Variants in HELZ observed in about 807,000 individuals in gnomAD.
HELZ encodes the protein helicase with zinc finger.
HELZ carries 23 observed loss-of-function variants against 218.2 expected under a neutral mutation model. That is an observed-to-expected ratio of 0.11 (90% CI 0.08 to 0.15). HELZ has a LOEUF of 0.15. Ranked by LOEUF, HELZ falls within the 10% of genes least tolerant of loss-of-function variation. HELZ has a pLI of 1.00. For synonymous variants in HELZ, 814 were observed against 829.4 expected, an observed-to-expected ratio of 0.98 and a Z score of 0.32; for missense variants, 1,813 against 2,353.7, an observed-to-expected ratio of 0.77 and a Z score of 4.75.
chr17:67,113,778 G>A (rs375542038), intron 28 of HELZ, among the ~76,000 whole-genome samples: 4 of 152,332 alleles, frequency 2.6e-5, no homozygotes, highest in East Asian at 1.9e-4. Flanking sequence ...AGTGAGATAC[G>A]TGTGAAAGAA....
chr17:67,233,261 G>A (rs535902907), intron 3 of HELZ, among the ~76,000 whole-genome samples: 12 of 152,372 alleles, frequency 7.9e-5, no homozygotes, highest in Middle Eastern at 3.4e-3. Context: ...GCTGAGGTGG[G>A]AGAATCGCTT....
At chr17:67,098,572 TAA>T (rs770393293) in intron 31 of HELZ, among the ~76,000 whole-genome samples, 51 of 123,928 alleles carry the variant, frequency 4.1e-4, no homozygotes, top group Non-Finnish European at 3.3e-4. Context: ...CCGTCTCTAC[TAA>T]AAAAAAAAAA....
chr17:67,141,052 G>A (rs1413985160), intron 21 of HELZ, among the ~76,000 whole-genome samples: 1 of 152,142 alleles, frequency 6.6e-6, no homozygotes, highest in East Asian at 1.9e-4. Context: ...CTCACTTGCA[G>A]ACTCCCCTTA....
intron 13 of HELZ, among the ~76,000 whole-genome samples, chr17:67,174,745 C>T (rs1254696654): frequency 1.3e-5 from 2 of 151,930 alleles, no homozygotes; most frequent in East Asian, 1.9e-4. Flanking sequence ...TTCTGGTGAG[C>T]GAGACTGCAC....
chr17:67,181,779 G>T (rs2039619335), intron 12 of HELZ, among the ~76,000 whole-genome samples: 1 of 152,052 alleles, frequency 6.6e-6, no homozygotes, highest in Non-Finnish European at 1.5e-5. Context: ...TAACTCGGAT[G>T]TCAAAAATGA....
intron 13 of HELZ, among the ~76,000 whole-genome samples, chr17:67,176,068 T>C (rs2039447825): frequency 1.3e-5 from 2 of 152,156 alleles, no homozygotes; most frequent in African/African-American, 4.8e-5. Flanking sequence ...ATGTACCAGT[T>C]TCCTTTAAAT....
intron 3 of HELZ, among the ~76,000 whole-genome samples, chr17:67,232,411 C>G (rs2041063162): frequency 6.6e-6 from 1 of 152,210 alleles, no homozygotes; most frequent in South Asian, 2.1e-4. Context: ...CTCAGCCTCC[C>G]AAAATGTTGG....
chr17:67,185,627 A>C (rs572131068), intron 12 of HELZ, among the ~76,000 whole-genome samples: 7 of 152,192 alleles, frequency 4.6e-5, no homozygotes, highest in Non-Finnish European at 8.8e-5. Flanking sequence ...AACTTTCAAA[A>C]TCTTACATAA....
chr17:67,239,401 G>C (rs1453017665), intron 3 of HELZ, 32 bp downstream of exon 3: 1 of 152,194 alleles, frequency 6.6e-6, no homozygotes, highest in African/African-American at 2.4e-5. Flanking sequence ...TAAAATTCTT[G>C]TTTTCTAAAT....
At chr17:67,176,132 G>A (rs140073277) in intron 13 of HELZ, among the ~76,000 whole-genome samples, 237 of 152,174 alleles carry the variant, frequency 1.6e-3, no homozygotes, top group African/African-American at 5.5e-3. Flanking sequence ...CAAAAGTAGA[G>A]AAAACTATTA....
At chr17:67,236,286 A>G (rs1256449988) in intron 3 of HELZ, among the ~76,000 whole-genome samples, 1 of 152,212 alleles carries the variant, frequency 6.6e-6, no homozygotes, top group Non-Finnish European at 1.5e-5. Context: ...TTTCTCTACT[A>G]CTTATGGTAA....
chr17:67,156,650 T>C (rs2038851383), intron 17 of HELZ, among the ~76,000 whole-genome samples: 1 of 152,122 alleles, frequency 6.6e-6, no homozygotes, highest in Non-Finnish European at 1.5e-5. Context: ...TCAAGCTTTC[T>C]CTGCTTCCCT....
intron 13 of HELZ, among the ~76,000 whole-genome samples, chr17:67,169,194 C>G (rs1453871606): frequency 6.6e-6 from 1 of 152,122 alleles, no homozygotes; most frequent in Admixed American, 6.5e-5. Flanking sequence ...AGAGGTAAGA[C>G]AACATGGTAA....
chr17:67,140,877 G>A (rs190249485), intron 21 of HELZ, among the ~76,000 whole-genome samples: 2 of 152,246 alleles, frequency 1.3e-5, no homozygotes, highest in East Asian at 1.9e-4. Flanking sequence ...AAGACTAACA[G>A]ATTTCTCAAC....
intron 6 of HELZ, among the ~76,000 whole-genome samples, chr17:67,202,949 C>T (rs565919653): frequency 4.0e-5 from 6 of 151,804 alleles, no homozygotes; most frequent in Non-Finnish European, 5.9e-5. Flanking sequence ...CATAATGAGA[C>T]CTCGTCTCTA....
chr17:67,236,111 T>C (rs969308385), intron 3 of HELZ, among the ~76,000 whole-genome samples: 11 of 152,170 alleles, frequency 7.2e-5, no homozygotes, highest in African/African-American at 2.4e-4. Context: ...ATACCAGCCT[T>C]ACCATTCAAA....
chr17:67,212,950 CT>C (rs2040496086), intron 5 of HELZ, among the ~76,000 whole-genome samples: 1 of 152,174 alleles, frequency 6.6e-6, no homozygotes, highest in African/African-American at 2.4e-5. Flanking sequence ...TTCATGACAA[CT>C]TTATCTTAGG....
chr17:67,218,476 TCAC>T, intron 4 of HELZ, 116 bp downstream of exon 4: 1 of 792,552 alleles, frequency 1.3e-6, no homozygotes, highest in East Asian at 2.5e-5. Context: ...TATTCAGCAA[TCAC>T]CAGCCACTTC....
chr17:67,086,560 G>A (rs997657502), intron 32 of HELZ, among the ~76,000 whole-genome samples: 4 of 146,496 alleles, frequency 2.7e-5, no homozygotes, highest in Admixed American at 6.9e-5. Context: ...TAGCCTGGGC[G>A]ACAAGAGTGA....
Sources: allele counts gnomAD v4.1 joint callset (sites outside exome capture counted in the v4.1 genomes callset), GRCh38; gene constraint gnomAD v4.1.1; transcripts MANE v1.5; gene names NCBI Gene and HGNC (gene_info 2026-07-23, HGNC 2026-07-21).